Variants in POLE2 observed in about 807,000 individuals in gnomAD.
POLE2 encodes DNA polymerase epsilon 2, accessory subunit.
A neutral mutation model predicts 79.4 loss-of-function variants in POLE2; 56 were observed. The observed-to-expected ratio is 0.71, with a 90% confidence interval of 0.57 to 0.88. POLE2 has a LOEUF of 0.88. Among genes scored for constraint, POLE2 ranks in the 40% least tolerant of loss-of-function variants. The pLI is 0.00. For synonymous variants in POLE2, 212 were observed against 214.0 expected (o/e 0.99, Z 0.08); for missense variants, 598 against 638.9 (o/e 0.94, Z 0.69).
intron 5 of POLE2, among the ~76,000 whole-genome samples, chr14:49,670,492 C>G (rs949749139): frequency 6.6e-6 from 1 of 152,128 alleles, no homozygotes; most frequent in East Asian, 1.9e-4. Flanking sequence ...CCCTCCCCAA[C>G]TCTCAGTCCA....
chr14:49,666,727 A>G (rs546482812), intron 6 of POLE2, among the ~76,000 whole-genome samples: 1 of 152,254 alleles, frequency 6.6e-6, no homozygotes, highest in Non-Finnish European at 1.5e-5. Context: ...AAATATAGAA[A>G]AGAATATCAA....
chr14:49,681,346 C>G (rs1200997445), intron 2 of POLE2: 1 of 213,472 alleles, frequency 4.7e-6, no homozygotes, highest in East Asian at 1.1e-4. Flanking sequence ...AGAAAACTCC[C>G]CGAAGTATAT....
intron 17 of POLE2, among the ~76,000 whole-genome samples, chr14:49,648,910 G>T (rs1029735828): frequency 6.6e-6 from 1 of 152,094 alleles, no homozygotes; most frequent in South Asian, 2.1e-4. Flanking sequence ...CTCCCAAAGT[G>T]CTGGGATTAC....
chr14:49,679,420 A>G, intron 3 of POLE2: 1 of 248,996 alleles, frequency 4.0e-6, no homozygotes, highest in Admixed American at 5.2e-5. Flanking sequence ...CTGAATATTC[A>G]TTTCAATTCA....
chr14:49,669,573 G>T lies in POLE2; in HGVS notation c.443C>A (p.Thr148Asn). 1 of 1,595,774 alleles carries T rather than the reference G, an allele frequency of 6.3e-7. No homozygotes were observed. Among genetic ancestry groups the T allele is most frequent in the Admixed American group, 1.7e-5 (1 of 59,924 alleles). ...AGGGTGAGAACCTATCACCGGAGGA[G>T]TAAATAATTCATGCCTGTGGGTCCT... The part of the protein sequence containing the change: ...HQRTHRHELF[T>N]PPVIGSHPDE... Residue 148 changes from threonine (T) to asparagine (N), a missense_variant, in exon 6 of 19, where the codon ACT (threonine) becomes AAT (asparagine). Physicochemically the swap from Thr to Asn is moderately conservative, Grantham distance 65 (BLOSUM62 0). Transcript: ENST00000216367.
In POLE2 at chr14:49,674,349, C is replaced by T. The variant is rs768607706; in HGVS notation, c.323+1G>A. On this transcript the variant is annotated splice_donor_variant, in intron 4 of 18. Coordinates refer to ENST00000216367, the MANE Select transcript of POLE2 (RefSeq NM_002692.4). LOFTEE classifies it high-confidence loss of function. Reference sequence around the variant, plus strand: ...TTAAAATCAGTGGATGACATACTTACGGAAGAAATTTTTTTCTTTCTGAAT... The same window carrying T: ...TTAAAATCAGTGGATGACATACTTATGGAAGAAATTTTTTTCTTTCTGAAT... 7 of 1,589,844 alleles carry T rather than the reference C, an allele frequency of 4.4e-6. No individual in the cohort carries two copies. The highest frequency in any genetic ancestry group is 1.3e-5 in the African/African-American group (1 of 74,374).
intron 2 of POLE2, chr14:49,681,786 C>T (rs1210246859): frequency 1.4e-5 from 2 of 146,842 alleles, no homozygotes; most frequent in Non-Finnish European, 3.0e-5. Flanking sequence ...GGCGCCATTG[C>T]ACTCCAGCCT....
intron 18 of POLE2, chr14:49,646,978 G>C (rs1173535117): frequency 4.9e-6 from 1 of 202,796 alleles, no homozygotes; most frequent in Non-Finnish European, 9.8e-6. Context: ...GCAACCATAC[G>C]GAGGGCAGGA....
At chr14:49,677,645 G>C in intron 3 of POLE2, 1 of 704,868 alleles carries the variant, frequency 1.4e-6, no homozygotes, top group Non-Finnish European at 2.4e-6. Flanking sequence ...CCTGGGCTGT[G>C]TGATATATGC....
At chr14:49,682,640 G>GGAAAA (rs1373991966) in intron 2 of POLE2, among the ~76,000 whole-genome samples, 1 of 60,976 alleles carries the variant, frequency 1.6e-5, no homozygotes, top group African/African-American at 5.7e-5. Flanking sequence ...CCTTCTCAGG[G>GGAAAA]AAAAAAAAAA....
chr14:49,673,991 G>A, intron 5 of POLE2, 132 bp downstream of exon 5: 1 of 685,182 alleles, frequency 1.5e-6, no homozygotes, highest in Non-Finnish European at 2.6e-6. Context: ...CTTAATAACA[G>A]TTTATTGAAT....
chr14:49,672,442 T>C (rs1319002068), intron 5 of POLE2, among the ~76,000 whole-genome samples: 2 of 152,010 alleles, frequency 1.3e-5, no homozygotes, highest in Non-Finnish European at 2.9e-5. Context: ...TGAAGCCTTC[T>C]TGTGCTTCTG....
chr14:49,671,618 G>GACAAAAA (rs748209998), intron 5 of POLE2, among the ~76,000 whole-genome samples: 1 of 58,704 alleles, frequency 1.7e-5, no homozygotes, highest in Admixed American at 2.3e-4. Context: ...CTCTGCCTCA[G>GACAAAAA]AAAAAAAAAA....
At chr14:49,672,501 CTTTTT>C (rs34239544) in intron 5 of POLE2, among the ~76,000 whole-genome samples, 1 of 142,008 alleles carries the variant, frequency 7.0e-6, no homozygotes, top group Non-Finnish European at 1.5e-5. Flanking sequence ...CCTCTCCCCT[CTTTTT>C]TTTTTTTTTT....
Position 49,666,378 on chromosome 14 carries a change from G to C in POLE2, c.528C>G (p.Thr176=). 6.5e-7 allele frequency: 1 copy of C among 1,541,456 alleles called. No individual in the cohort carries two copies. The highest frequency in any genetic ancestry group is 8.8e-7 in the Non-Finnish European group (1 of 1,139,036). Residue 176 remains threonine, a synonymous_variant, in exon 7 of 19, where the codon ACC becomes ACG. Coordinates refer to ENST00000216367, the MANE Select transcript of POLE2 (RefSeq NM_002692.4). ...CAAGAACAATCGCATCTCCGATTTT[G>C]GTTGTACTACCCAATAAGGTTTCTA... is the stretch of plus-strand genomic sequence containing the variant. ...KTIETLLGST[T]KIGDAIVLGM...
At chr14:49,646,346 C>T (rs71420146) in intron 18 of POLE2, among the ~76,000 whole-genome samples, 28,125 of 111,480 alleles carry the variant, frequency 0.25, 3,482 homozygotes, top group Admixed American at 0.36. Flanking sequence ...GAGATAGAGT[C>T]TCACTCTGTT....
chr14:49,645,448 T>C (rs977764905), intron 18 of POLE2, among the ~76,000 whole-genome samples: 4 of 152,250 alleles, frequency 2.6e-5, no homozygotes, highest in African/African-American at 9.6e-5. Context: ...TCTTGAAACT[T>C]TTCTGTTTTC....
intron 18 of POLE2, among the ~76,000 whole-genome samples, chr14:49,646,227 G>T (rs1883747058): frequency 6.6e-6 from 1 of 150,794 alleles, no homozygotes; most frequent in South Asian, 2.1e-4. Flanking sequence ...AGACAACTGG[G>T]CTGTGTTCAA....
At chr14:49,651,234 G>A (rs770948032) in intron 16 of POLE2, 35 bp downstream of exon 16, 1 of 908,478 alleles carries the variant, frequency 1.1e-6, no homozygotes. Flanking sequence ...AATGCAACAT[G>A]TAAGGCAGTT....
Sources: allele counts gnomAD v4.1 joint callset (sites outside exome capture counted in the v4.1 genomes callset), GRCh38; gene constraint gnomAD v4.1.1; transcripts MANE v1.5; gene names NCBI Gene and HGNC (gene_info 2026-07-23, HGNC 2026-07-21).